WDFY4: variants seen among roughly 807,000 people sequenced by gnomAD.
WDFY4 encodes the protein WD repeat- and FYVE domain-containing protein 4.
Under a neutral mutation model 351.9 loss-of-function variants are expected in WDFY4, and 169 were observed. The observed-to-expected ratio is 0.48, with a 90% confidence interval of 0.42 to 0.55. The LOEUF is 0.55. WDFY4 is among the 20% of genes least tolerant of loss of function. WDFY4 has a pLI of 0.00. For missense variants in WDFY4, 3,803 were observed against 3,935.6 expected (o/e 0.97, Z 0.90); for synonymous variants, 1,622 against 1,574.6 (o/e 1.03, Z -0.71).
At chr10:48,804,587 G>T in intron 25 of WDFY4, 2 of 209,256 alleles carry the variant, frequency 9.6e-6, no homozygotes, top group Non-Finnish European at 8.1e-6. Flanking sequence ...AAAAAAGACA[G>T]TTCAAAGTGA....
intron 1 of WDFY4, among the ~76,000 whole-genome samples, chr10:48,685,838 C>T (rs1188578602): frequency 1.3e-5 from 2 of 151,864 alleles, no homozygotes; most frequent in Non-Finnish European, 2.9e-5. Context: ...TGAGAAACCA[C>T]GCCCTGCCAG....
At chr10:48,698,365 T>C (rs1175465005) in intron 1 of WDFY4, among the ~76,000 whole-genome samples, 3 of 152,212 alleles carry the variant, frequency 2.0e-5, no homozygotes, top group Non-Finnish European at 4.4e-5. Context: ...GCTGTGGCAG[T>C]GACAAGGCCC....
chr10:48,820,199 C>G, intron 32 of WDFY4, 35 bp from the exon 33 acceptor site: 4 of 1,549,090 alleles, frequency 2.6e-6, no homozygotes, highest in Non-Finnish European at 2.6e-6. Flanking sequence ...TGAGGCAGGG[C>G]AGGCCACTCA....
intron 1 of WDFY4, among the ~76,000 whole-genome samples, chr10:48,695,948 C>G (rs1690066948): frequency 6.6e-6 from 1 of 152,122 alleles, no homozygotes; most frequent in African/African-American, 2.4e-5. Context: ...GTGTGCTGAC[C>G]AGGAGCCCAG....
In WDFY4 at chr10:48,867,354, A is replaced by C; in HGVS notation, c.6741+12A>C. 2.0e-6 allele frequency: 3 copies of C among 1,465,250 alleles called. No individual in the cohort carries two copies. In the South Asian group the frequency reaches 4.3e-5, roughly 21 times the overall value. 90.8% of individuals were successfully genotyped at this position (1,465,250 alleles called of 1,614,324 possible). A position where few individuals can be genotyped will look rare whatever the true frequency, so the allele number is the denominator to read the frequency against. On this transcript the variant is annotated intron_variant, in intron 40 of 61. Transcript: ENST00000325239. Reference sequence around the variant, plus strand: ...AAGACCATGTGCAAGTAAGAAACAAAACATAGGCTTTCTCTATACAGCAAG... The same window carrying C: ...AAGACCATGTGCAAGTAAGAAACAACACATAGGCTTTCTCTATACAGCAAG...
rs1282157408 is a variant in WDFY4, at chr10:48,798,803, C to CT, written c.4410+2355dup. On this transcript the variant is annotated intron_variant, in intron 24 of 61. Transcript: ENST00000325239. ...AGAAAATGAAAAAGTACAGGCTAAT[C>CT]TTATTTGTAAATATAGGCATAAGAG... Among the ~76,000 whole-genome samples the CT allele has an allele frequency of 2.0e-5, 3 of 152,170 alleles. No individual in the cohort carries two copies. In the East Asian group the frequency reaches 5.8e-4, roughly 29 times the overall value.
chr10:48,700,395 G>A (rs1410662397), intron 1 of WDFY4, among the ~76,000 whole-genome samples: 1 of 152,232 alleles, frequency 6.6e-6, no homozygotes, highest in African/African-American at 2.4e-5. Context: ...TGTCCTCCAA[G>A]CTACTTCTAT....
chr10:48,962,566 C>A (rs1167807413), intron 53 of WDFY4, among the ~76,000 whole-genome samples: 2 of 152,190 alleles, frequency 1.3e-5, no homozygotes, highest in African/African-American at 4.8e-5. Context: ...AGAATTATTG[C>A]CAACCTGGGT....
chr10:48,821,420 G>A (rs2067819219), intron 34 of WDFY4, among the ~76,000 whole-genome samples: 1 of 152,184 alleles, frequency 6.6e-6, no homozygotes, highest in South Asian at 2.1e-4. Context: ...AAGCCCTTTT[G>A]CCTCTAAGCA....
intron 2 of WDFY4, among the ~76,000 whole-genome samples, chr10:48,713,028 A>T (rs1441681009): frequency 6.6e-6 from 1 of 152,212 alleles, no homozygotes; most frequent in Admixed American, 6.5e-5. Context: ...AATTAAGATT[A>T]TTTGGAATAT....
At chr10:48,936,949 C>T (rs944493155) in intron 47 of WDFY4, among the ~76,000 whole-genome samples, 8 of 151,220 alleles carry the variant, frequency 5.3e-5, no homozygotes, top group African/African-American at 1.7e-4. Context: ...GACATAGTCT[C>T]ACTCTTGTCA....
intron 53 of WDFY4, among the ~76,000 whole-genome samples, chr10:48,963,135 G>A (rs1590002068): frequency 6.6e-6 from 1 of 152,202 alleles, no homozygotes; most frequent in South Asian, 2.1e-4. Context: ...ACATGAGCCT[G>A]CCCTAGAAGT....
chr10:48,731,301 C>A lies in WDFY4; in HGVS notation c.1321C>A (p.Pro441Thr). 6.4e-7 allele frequency: 1 copy of A among 1,551,910 alleles called. No homozygotes were observed. The highest frequency in any genetic ancestry group is 1.2e-5 in the South Asian group (1 of 84,064). ...GTTTGTAGAGATCATGCCCCTGAAG[C>A]CGGCCCCAGTGCAGGAACACTTCTT... The part of the protein sequence containing the change: ...SQFVEIMPLK[P>T]APVQEHFFQL... Residue 441 changes from proline (P) to threonine (T), a missense_variant, in exon 9 of 62, where the codon CCG (proline) becomes ACG (threonine). Physicochemically the swap from Pro to Thr is conservative, Grantham distance 38 (BLOSUM62 -1). Coordinates refer to ENST00000325239, the MANE Select transcript of WDFY4 (RefSeq NM_001394531.1).
Position 48,840,425 on chromosome 10 carries a change from TACAC to T in WDFY4, c.6663+7735_6663+7738del, listed in dbSNP as rs10637501. ...CTTGACACACACACACACATACACA[TACAC>T]ACACACACACACACACACCTCTCTC... On this transcript the variant is annotated intron_variant, in intron 39 of 61. Transcript: ENST00000325239. Among the ~76,000 whole-genome samples, 187 of 145,734 alleles carry T rather than the reference TACAC, an allele frequency of 1.3e-3. 1 individual carries two copies. The South Asian group carries it at 0.019, about 15-fold the overall frequency.
intron 1 of WDFY4, among the ~76,000 whole-genome samples, chr10:48,692,797 G>T (rs546762447): frequency 1.1e-4 from 17 of 152,170 alleles, no homozygotes; most frequent in Non-Finnish European, 2.1e-4. Context: ...CCTGCTGCCC[G>T]CTGTCTGCCT....
intron 47 of WDFY4, among the ~76,000 whole-genome samples, chr10:48,923,680 C>T (rs574417561): frequency 6.6e-6 from 1 of 151,732 alleles, no homozygotes; most frequent in Non-Finnish European, 1.5e-5. Context: ...ATTTATCAAC[C>T]CTCTGAGCAA....
intron 60 of WDFY4, among the ~76,000 whole-genome samples, chr10:48,980,375 C>A (rs181745158): frequency 1.2e-3 from 184 of 152,188 alleles, no homozygotes; most frequent in African/African-American, 4.1e-3. Context: ...GTCCTCTTGG[C>A]GTGTATATTA....
chr10:48,869,055 A>G (rs1461651225), intron 40 of WDFY4, among the ~76,000 whole-genome samples: 1 of 152,266 alleles, frequency 6.6e-6, no homozygotes, highest in Non-Finnish European at 1.5e-5. Flanking sequence ...AAGCTAATCC[A>G]CAAGGATACT....
intron 2 of WDFY4, among the ~76,000 whole-genome samples, chr10:48,716,350 G>A (rs541686712): frequency 6.6e-6 from 1 of 152,152 alleles, no homozygotes; most frequent in Admixed American, 6.5e-5. Flanking sequence ...TTGGAGACCA[G>A]AGCATCATTT....
Sources: allele counts gnomAD v4.1 joint callset (sites outside exome capture counted in the v4.1 genomes callset), GRCh38; gene constraint gnomAD v4.1.1; transcripts MANE v1.5; gene names NCBI Gene and HGNC (gene_info 2026-07-23, HGNC 2026-07-21).